BEND4: variants seen among roughly 807,000 people sequenced by gnomAD.
The protein encoded by BEND4 is BEN domain-containing protein 4.
A neutral mutation model predicts 54.7 loss-of-function variants in BEND4; 27 were observed. That is an observed-to-expected ratio of 0.49 (90% CI 0.36 to 0.68). The LOEUF is 0.68. Among genes scored for constraint, BEND4 ranks in the 30% least tolerant of loss-of-function variants. The probability of loss-of-function intolerance (pLI) is 0.00; values close to 1 mark genes in which losing one functional copy is unlikely to be tolerated. For synonymous variants in BEND4, 327 were observed against 299.5 expected, an observed-to-expected ratio of 1.09 and a Z score of -0.95; for missense variants, 702 against 697.2, an observed-to-expected ratio of 1.01 and a Z score of -0.08.
Position 42,140,647 on chromosome 4 carries a change from A to T in BEND4, c.1054+2781T>A, listed in dbSNP as rs140105998. Among the ~76,000 whole-genome samples, 296 of 152,312 alleles carry T rather than the reference A, an allele frequency of 1.9e-3. 1 individual carries two copies. Among genetic ancestry groups the T allele is most frequent in the Non-Finnish European group, 3.4e-3 (234 of 68,014 alleles). ...AGTTAACTCCTACCACAGGAACCTGACCTGCTATGGGTTCGGTAAGTGAGA... is the reference window on the plus strand; with the variant it reads ...AGTTAACTCCTACCACAGGAACCTGTCCTGCTATGGGTTCGGTAAGTGAGA... On this transcript the variant is annotated intron_variant, in intron 3 of 5. Coordinates refer to ENST00000502486, the MANE Select transcript of BEND4 (RefSeq NM_207406.4).
chr4:42,125,624 T>G lies in BEND4; in HGVS notation c.1105A>C (p.Asn369His). 1 of 1,613,814 alleles carries G rather than the reference T, an allele frequency of 6.2e-7. No individual in the cohort carries two copies. Among genetic ancestry groups the G allele is most frequent in the Non-Finnish European group, 8.5e-7 (1 of 1,179,792 alleles). ...GCTGGCTGTGGTATCAGGAGTTGGTTGTGGTGCTGCAGAACCATCTTCAAG... is the reference window on the plus strand; with the variant it reads ...GCTGGCTGTGGTATCAGGAGTTGGTGGTGGTGCTGCAGAACCATCTTCAAG... ...DYLKMVLQHH[N>H]QLLIPQPADQ... The change falls in exon 4 of 6, where the codon AAC becomes CAC. Residue 369 changes from asparagine to histidine, a missense_variant. Coordinates refer to ENST00000502486, the MANE Select transcript of BEND4 (RefSeq NM_207406.4).
intron 3 of BEND4, among the ~76,000 whole-genome samples, chr4:42,137,143 T>C (rs1219915835): frequency 6.6e-6 from 1 of 152,220 alleles, no homozygotes; most frequent in African/African-American, 2.4e-5. Context: ...TGTCCAGGTC[T>C]CAACCTCCTT....
intron 5 of BEND4, among the ~76,000 whole-genome samples, chr4:42,119,301 A>G (rs1458769463): frequency 6.6e-6 from 1 of 152,096 alleles, no homozygotes; most frequent in Non-Finnish European, 1.5e-5. Flanking sequence ...TAAAACTGCC[A>G]CTGAACTGTA....
intron 3 of BEND4, among the ~76,000 whole-genome samples, chr4:42,140,577 T>C (rs1720846903): frequency 6.6e-6 from 1 of 152,138 alleles, no homozygotes. Flanking sequence ...ATCTCCAACT[T>C]TCTGGGAAGT....
intron 2 of BEND4, among the ~76,000 whole-genome samples, chr4:42,148,159 G>A (rs751971100): frequency 2.0e-5 from 3 of 152,042 alleles, no homozygotes; most frequent in African/African-American, 7.2e-5. Context: ...ATTTTTAAAA[G>A]AGGGCTTCAT....
rs1189779835 is a variant in BEND4 at position 42,116,346 on chromosome 4, G to C, written c.*1172C>G. 2.0e-5 allele frequency: 3 copies of C among 152,304 alleles called. No homozygotes were observed. The highest frequency in any genetic ancestry group is 2.0e-4 in the Admixed American group (3 of 15,290). 9.4% of individuals were successfully genotyped at this position (152,304 alleles called of 1,614,324 possible). A position where few individuals can be genotyped will look rare whatever the true frequency, so the allele number is the denominator to read the frequency against. ...CACCTCTATAGCATTTGCCAATATG[G>C]AAAGTTTCCAAAGATACCACTAATT... On this transcript the variant is annotated 3_prime_UTR_variant, in exon 6 of 6. Coordinates refer to ENST00000502486, the MANE Select transcript of BEND4 (RefSeq NM_207406.4).
At position 42,117,730 on chromosome 4, in the gene BEND4, T is replaced by C; in HGVS notation, c.1393A>G (p.Ile465Val). The stretch of plus-strand genomic sequence containing the variant: ...GGGTTGGAGGTACAATGCATCCTAA[T>C]GAATTCTGCAGGAATATATACAACA... Reference protein sequence around the residue: ...PVKVTCLREFIRMHCTSNPDW... With the variant: ...PVKVTCLREFVRMHCTSNPDW... Residue 465 changes from isoleucine to valine, a missense_variant, in exon 6 of 6, where the codon ATT becomes GTT. Ile to Val is a conservative substitution (Grantham distance 29). Transcript: ENST00000502486. The C allele has an allele frequency of 2.5e-6, 4 of 1,595,668 alleles. No individual in the cohort carries two copies. Among genetic ancestry groups the C allele is most frequent in the Non-Finnish European group, 3.4e-6 (4 of 1,170,084 alleles).
chr4:42,121,835 C>T (rs201581363), intron 4 of BEND4, among the ~76,000 whole-genome samples: 3 of 152,094 alleles, frequency 2.0e-5, no homozygotes, highest in African/African-American at 4.8e-5. Context: ...AGGGTATGTA[C>T]GGGAGACTGA....
intron 3 of BEND4, among the ~76,000 whole-genome samples, chr4:42,137,774 C>T (rs1003207439): frequency 6.6e-6 from 1 of 152,116 alleles, no homozygotes; most frequent in African/African-American, 2.4e-5. Flanking sequence ...ACAAATAACC[C>T]AATTACAAAA....
chr4:42,120,452 G>A (rs1379875486), intron 4 of BEND4, among the ~76,000 whole-genome samples, 158 bp from the exon 5 acceptor site: 2 of 152,118 alleles, frequency 1.3e-5, no homozygotes, highest in African/African-American at 2.4e-5. Flanking sequence ...AGACTTAGAA[G>A]GGGCACTTTT....
At chr4:42,141,818 G>C (rs944676367) in intron 3 of BEND4, among the ~76,000 whole-genome samples, 2 of 152,100 alleles carry the variant, frequency 1.3e-5, no homozygotes, top group Admixed American at 1.3e-4. Flanking sequence ...AATTTCTTAT[G>C]TATGATTTAT....
intron 2 of BEND4, among the ~76,000 whole-genome samples, chr4:42,150,609 G>C (rs955173593): frequency 2.0e-5 from 3 of 152,242 alleles, no homozygotes; most frequent in African/African-American, 7.2e-5. Flanking sequence ...GCCTTGGCAG[G>C]AACTTTTAGT....
intron 3 of BEND4, among the ~76,000 whole-genome samples, chr4:42,127,767 G>C (rs1351016888): frequency 2.0e-5 from 3 of 152,162 alleles, no homozygotes; most frequent in Non-Finnish European, 4.4e-5. Context: ...ACATGTGCAA[G>C]GTACTACCTT....
chr4:42,146,814 C>G (rs939820764), intron 2 of BEND4, among the ~76,000 whole-genome samples: 1 of 152,156 alleles, frequency 6.6e-6, no homozygotes, highest in Non-Finnish European at 1.5e-5. Context: ...ATATGAAAGT[C>G]TAAAACAGAA....
intron 2 of BEND4, among the ~76,000 whole-genome samples, chr4:42,148,047 T>G (rs918307486): frequency 6.6e-5 from 10 of 151,880 alleles, no homozygotes; most frequent in Non-Finnish European, 1.3e-4. Context: ...GAAGCAGAAA[T>G]TTTTTTTAGT....
chr4:42,146,242 G>T (rs868040877), intron 2 of BEND4, among the ~76,000 whole-genome samples: 3 of 152,216 alleles, frequency 2.0e-5, no homozygotes, highest in Admixed American at 2.0e-4. Context: ...GATCCTGGAA[G>T]TGTGGACTGG....
intron 3 of BEND4, 112 bp downstream of exon 3, chr4:42,143,316 C>A: frequency 1.0e-6 from 1 of 978,794 alleles, no homozygotes; most frequent in South Asian, 1.7e-5. Flanking sequence ...ACAAAAAAAG[C>A]CCACACATAC....
At position 42,152,113 on chromosome 4, in the gene BEND4, C is replaced by A; in HGVS notation, c.31G>T (p.Gly11Trp). 1 of 1,247,600 alleles carries A rather than the reference C, an allele frequency of 8.0e-7. No homozygotes were observed. 77.3% of individuals were successfully genotyped at this position (1,247,600 alleles called of 1,614,324 possible). A position where few individuals can be genotyped will look rare whatever the true frequency, so the allele number is the denominator to read the frequency against. The change falls in exon 2 of 6, where the codon GGG (glycine) becomes TGG (tryptophan). Residue 11 changes from glycine to tryptophan, a missense_variant. Physicochemically the swap from Gly to Trp is radical, Grantham distance 184 (BLOSUM62 -2). Transcript: ENST00000502486. ...TTGTAGATTTTGGGGACGCTGGGCC[C>A]CTCCTCTGCCGGCTGCATCTCTTCC... is the stretch of plus-strand genomic sequence containing the variant. Reference protein sequence around the residue: MEEEMQPAEEGPSVPKIYKQR... With the variant: MEEEMQPAEEWPSVPKIYKQR...
intron 5 of BEND4, among the ~76,000 whole-genome samples, chr4:42,119,058 TG>T (rs1375408156): frequency 6.6e-6 from 1 of 152,138 alleles, no homozygotes; most frequent in African/African-American, 2.4e-5. Flanking sequence ...TCAGAATGTC[TG>T]GGGGTAGGCC....
Sources: allele counts gnomAD v4.1 joint callset (sites outside exome capture counted in the v4.1 genomes callset), GRCh38; gene constraint gnomAD v4.1.1; transcripts MANE v1.5; gene names NCBI Gene and HGNC (gene_info 2026-07-23, HGNC 2026-07-21).